RTEL1: variants seen among roughly 807,000 people sequenced by gnomAD.
RTEL1 encodes the protein regulator of telomere length.
In RTEL1, 86 loss-of-function variants were observed where a neutral mutation model predicts 162.2. That is an observed-to-expected ratio of 0.53 (90% confidence interval 0.45 to 0.63). The LOEUF (loss-of-function observed/expected upper bound fraction) is 0.63, where lower values mean the gene tolerates loss of function less well. Among genes scored for constraint, RTEL1 ranks in the 30% least tolerant of loss-of-function variants. RTEL1 has a pLI of 0.00. For synonymous variants in RTEL1, 958 were observed against 717.9 expected (o/e 1.33, Z -5.35); for missense variants, 1,941 against 1,750.2 (o/e 1.11, Z -1.95).
intron 9 of RTEL1, among the ~76,000 whole-genome samples, chr20:63,673,397 A>G (rs1189522620): frequency 6.6e-6 from 1 of 152,158 alleles, no homozygotes; most frequent in East Asian, 1.9e-4. Context: ...CGTCTCAAAA[A>G]AAATAAAATC....
In RTEL1 at chr20:63,667,469, G is replaced by A. The variant is rs751404113; in HGVS notation, c.615G>A (p.Arg205=). 3.1e-6 allele frequency: 5 copies of A among 1,612,504 alleles called. No homozygotes were observed. Among genetic ancestry groups the A allele is most frequent in the Middle Eastern group, 1.6e-4 (1 of 6,062 alleles). The change falls in exon 8 of 35, where the codon AGG becomes AGA. Residue 205 remains arginine, a splice_region_variant and synonymous_variant. Transcript: ENST00000360203. ...GGATCTTCTCCTCTCTCCTTCCCAG[G>A]GTGTGCCCTTACTACCTGTCCCGGA... is the stretch of plus-strand genomic sequence containing the variant. The part of the protein sequence containing the change: ...EDLVKSGSKH[R]VCPYYLSRNL...
chr20:63,695,931 C>A lies in RTEL1; in HGVS notation c.*73C>A. 1 of 1,447,614 alleles carries A rather than the reference C, an allele frequency of 6.9e-7. No homozygotes were observed. The highest frequency in any genetic ancestry group is 9.4e-7 in the Non-Finnish European group (1 of 1,064,908). The allele number at this position is 1,447,614 out of a possible 1,614,324, so 89.7% of individuals were successfully genotyped here. On this transcript the variant is annotated 3_prime_UTR_variant, in exon 35 of 35. Transcript: ENST00000360203. ...CTGTCCAGCTCTGGTGGGCCAAGAA[C>A]CCACCCAACAGAATAGGCCAGCCCA...
intron 10 of RTEL1, among the ~76,000 whole-genome samples, chr20:63,675,152 G>A (rs1440894659): frequency 2.0e-5 from 3 of 152,170 alleles, no homozygotes; most frequent in South Asian, 2.1e-4. Flanking sequence ...TGATCCACCC[G>A]CTTCGGCCTC....
At chr20:63,690,004 C>T in intron 24 of RTEL1, 83 bp from the exon 25 acceptor site, 1 of 1,570,132 alleles carries the variant, frequency 6.4e-7, no homozygotes, top group African/African-American at 1.3e-5. Context: ...GGGGCCCCTG[C>T]AGCAGATGAG....
rs2145431842 is a variant in RTEL1, at chr20:63,690,350, C to T, written c.2322C>T (p.Val774=). 4 of 1,611,834 alleles carry T rather than the reference C, an allele frequency of 2.5e-6. No individual in the cohort carries two copies. The highest frequency in any genetic ancestry group is 3.4e-6 in the Non-Finnish European group (4 of 1,179,448). ...CCAGTGTGCGTGGAGAAGATGCTGT[C>T]AGCGAGGCCAAGTCGCCTGGCCCCT... ...TAPSVRGEDA[V]SEAKSPGPFF... is the part of the protein sequence containing the mutation. Residue 774 remains valine, a synonymous_variant, in exon 26 of 35, where the codon GTC becomes GTT. Coordinates refer to ENST00000360203, the MANE Select transcript of RTEL1 (RefSeq NM_001283009.2).
intron 16 of RTEL1, 24 bp from the exon 17 acceptor site, chr20:63,687,605 ACTCTGTGCC>A (rs775141538): frequency 1.9e-6 from 3 of 1,576,262 alleles, no homozygotes; most frequent in Non-Finnish European, 2.6e-6. Flanking sequence ...CCGTCCTCAC[ACTCTGTGCC>A]CTCTGCCGCC....
chr20:63,693,288 A>C lies in RTEL1; in HGVS notation c.2992+5A>C, dbSNP rs751194471. ...AGCCGGTCCTGGACCCCACTGGTAAATGGGGCCCCAGGTGGGACCCTCAGA... is the reference window on the plus strand; with the variant it reads ...AGCCGGTCCTGGACCCCACTGGTAACTGGGGCCCCAGGTGGGACCCTCAGA... On this transcript the variant is annotated splice_donor_5th_base_variant and intron_variant, in intron 30 of 34. Coordinates refer to ENST00000360203, the MANE Select transcript of RTEL1 (RefSeq NM_001283009.2). 1 of 1,611,420 alleles carries C rather than the reference A, an allele frequency of 6.2e-7. No individual in the cohort carries two copies. The highest frequency in any genetic ancestry group is 8.5e-7 in the Non-Finnish European group (1 of 1,179,268).
chr20:63,674,733 G>C (rs567304496), intron 10 of RTEL1, among the ~76,000 whole-genome samples: 2 of 151,722 alleles, frequency 1.3e-5, no homozygotes, highest in South Asian at 2.1e-4. Flanking sequence ...TATATTCACT[G>C]TAAGGGCATT....
chr20:63,674,287 C>G (rs1055980232), intron 10 of RTEL1, among the ~76,000 whole-genome samples, 194 bp downstream of exon 10: 1 of 152,222 alleles, frequency 6.6e-6, no homozygotes, highest in African/African-American at 2.4e-5. Context: ...TCTATTCAGG[C>G]TGGCACTGCA....
At chr20:63,691,640 T>C (rs530013394) in intron 27 of RTEL1, 102 bp from the exon 28 acceptor site, 16 of 1,018,540 alleles carry the variant, frequency 1.6e-5, no homozygotes, top group South Asian at 7.1e-5. Context: ...CCATCTTGGC[T>C]CAGGGCTCCT....
At position 63,687,753 on chromosome 20, in the gene RTEL1, T is replaced by C. The variant is rs2090629663; in HGVS notation, c.1464T>C (p.Phe488=). 4.4e-6 allele frequency: 7 copies of C among 1,579,532 alleles called. No homozygotes were observed. The highest frequency in any genetic ancestry group is 5.2e-6 in the Non-Finnish European group (6 of 1,163,908). The change falls in exon 17 of 35, where the codon TTT becomes TTC. Residue 488 remains phenylalanine (F), a synonymous_variant. Coordinates refer to ENST00000360203, the MANE Select transcript of RTEL1 (RefSeq NM_001283009.2). ...TSGTLAPVSS[F]ALEMQIPFPV... is the part of the protein sequence containing the mutation. ...GCACGCTGGCCCCGGTGTCCTCCTT[T>C]GCTCTGGAGATGCAGATGTACGGGC...
At chr20:63,693,428 C>G in intron 30 of RTEL1, 145 bp downstream of exon 30, 2 of 924,436 alleles carry the variant, frequency 2.2e-6, no homozygotes, top group Non-Finnish European at 3.2e-6. Flanking sequence ...GGGCCTCCAC[C>G]TCCACCACCA....
rs542457157 is a variant in RTEL1, at chr20:63,696,181, C to T, written c.*323C>T. On this transcript the variant is annotated 3_prime_UTR_variant, in exon 35 of 35. Coordinates refer to ENST00000360203, the MANE Select transcript of RTEL1 (RefSeq NM_001283009.2). ...CCCTCACCGGGAAGGAGGAGACCCC[C>T]GTGGGCACGTGTCCACTTTTAATCA... The T allele has an allele frequency of 5.5e-4, 246 of 445,032 alleles. No individual in the cohort carries two copies. Among genetic ancestry groups the T allele is most frequent in the African/African-American group, 4.0e-3 (201 of 50,024 alleles). 27.6% of individuals were successfully genotyped at this position (445,032 alleles called of 1,614,324 possible).
Position 63,693,262 on chromosome 20 carries a change from C to A in RTEL1, c.2971C>A (p.Gln991Lys). 1 of 1,611,890 alleles carries A rather than the reference C, an allele frequency of 6.2e-7. No homozygotes were observed. Among genetic ancestry groups the A allele is most frequent in the Non-Finnish European group, 8.5e-7 (1 of 1,179,428 alleles). ...CAGCATTCCCCGAAGGCAGCGGGCA[C>A]AGCCGGTCCTGGACCCCACTGGTAA... Reference protein sequence around the residue: ...EHSIPRRQRAQPVLDPTGRTA... With the variant: ...EHSIPRRQRAKPVLDPTGRTA... The change falls in exon 30 of 35, where the codon CAG becomes AAG. Residue 991 changes from glutamine to lysine, a missense_variant. Transcript: ENST00000360203.
rs1394884130 is a variant in RTEL1 at position 63,692,857 on chromosome 20, C to G, written c.2705C>G (p.Ala902Gly). 1.2e-5 allele frequency: 19 copies of G among 1,612,520 alleles called. No individual in the cohort carries two copies. Among genetic ancestry groups the G allele is most frequent in the Non-Finnish European group, 1.4e-5 (16 of 1,179,864 alleles). ...QTDRAKLFMV[A>G]VKQELSQANF... ...GACAGGGCCAAGCTCTTCATGGTGGCCGTGAAGCAGGAGTTGAGCCAAGCC... is the reference window on the plus strand; with the variant it reads ...GACAGGGCCAAGCTCTTCATGGTGGGCGTGAAGCAGGAGTTGAGCCAAGCC... The change falls in exon 29 of 35, where the codon GCC (alanine) becomes GGC (glycine). Residue 902 changes from alanine (A) to glycine (G), a missense_variant. Physicochemically the swap from Ala to Gly is moderately conservative, Grantham distance 60. Transcript: ENST00000360203.
chr20:63,690,305 G>A lies in RTEL1; in HGVS notation c.2277G>A (p.Pro759=), dbSNP rs768310963. Residue 759 remains proline (P), a synonymous_variant, in exon 26 of 35, where the codon CCG becomes CCA. Transcript: ENST00000360203. ...FRVAERTMPA[P]APRATAPSVR... ...CCATGGTTCTGCAGATGCCAGCGCC[G>A]GCCCCCCGGGCTACAGCACCCAGTG... The A allele has an allele frequency of 1.5e-5, 24 of 1,605,374 alleles. No homozygotes were observed. Among genetic ancestry groups the A allele is most frequent in the Middle Eastern group, 1.7e-4 (1 of 6,048 alleles).
chr20:63,688,609 G>T lies in RTEL1; in HGVS notation c.1800+4G>T. ...GAGCAAAGGCAGCTTCTCCGAGGTC[G>T]GCACTTGGCCGGGGCTCTGGGCCTG... is the stretch of plus-strand genomic sequence containing the variant. On this transcript the variant is annotated splice_donor_region_variant and intron_variant, in intron 21 of 34. Transcript: ENST00000360203. 1.9e-6 allele frequency: 3 copies of T among 1,603,566 alleles called. No individual in the cohort carries two copies. Among genetic ancestry groups the T allele is most frequent in the Non-Finnish European group, 1.7e-6 (2 of 1,176,836 alleles).
rs567343177 is a variant in RTEL1 at position 63,691,042 on chromosome 20, C to T, written c.2556+95C>T. 1.2e-4 allele frequency: 154 copies of T among 1,278,042 alleles called. No homozygotes were observed. The South Asian group carries it at 1.8e-3, about 15-fold the overall frequency. The allele number at this position is 1,278,042 out of a possible 1,614,324, so 79.2% of individuals were successfully genotyped here. The stretch of plus-strand genomic sequence containing the variant: ...TGGCCTCAGGCACCTCCCCACACAC[C>T]CCTGTAAATCCCCTGCCTGGCAGGC... On this transcript the variant is annotated intron_variant, in intron 27 of 34. Transcript: ENST00000360203.
intron 30 of RTEL1, 73 bp from the exon 31 acceptor site, chr20:63,694,299 G>GGCCGGCC: frequency 2.4e-6 from 2 of 841,720 alleles, no homozygotes; most frequent in Non-Finnish European, 4.0e-6. Flanking sequence ...TCCCTAGCCA[G>GGCCGGCC]CCCTGCCCCC....
Sources: gnomAD v4.1 joint callset for allele counts (sites outside exome capture counted in the v4.1 genomes callset) on GRCh38, gnomAD v4.1.1 for gene constraint, MANE v1.5 for transcripts, NCBI Gene and HGNC (gene_info 2026-07-23, HGNC 2026-07-21) for gene names.